The following IPCEF1 variants were observed in gnomAD, a reference collection of about 807,000 sequenced individuals.
IPCEF1 encodes the protein interactor protein for cytohesin exchange factors 1.
A neutral mutation model predicts 50.9 loss-of-function variants in IPCEF1; 31 were observed. The observed-to-expected ratio is 0.61, with a 90% CI of 0.46 to 0.82. The LOEUF (loss-of-function observed/expected upper bound fraction) is 0.82. Among genes scored for constraint, IPCEF1 ranks in the 40% least tolerant of loss-of-function variants. IPCEF1 has a pLI of 0.00. For missense variants in IPCEF1, 458 were observed against 514.0 expected (o/e 0.89, Z 1.05); for synonymous variants, 181 against 192.0 (o/e 0.94, Z 0.47).
At chr6:154,210,212 G>C (rs558035351) in intron 9 of IPCEF1, among the ~76,000 whole-genome samples, 18 of 152,190 alleles carry the variant, frequency 1.2e-4, no homozygotes, top group African/African-American at 3.9e-4. Flanking sequence ...GTGTGTTCTA[G>C]ATGCCTGACA....
intron 1 of IPCEF1, among the ~76,000 whole-genome samples, chr6:154,336,284 A>G (rs1489890219): frequency 6.6e-6 from 1 of 152,238 alleles, no homozygotes; most frequent in Admixed American, 6.5e-5. Flanking sequence ...CCATCAATGG[A>G]CAAATAGATG....
chr6:154,223,910 A>G (rs1180639282), intron 5 of IPCEF1, among the ~76,000 whole-genome samples: 1 of 152,250 alleles, frequency 6.6e-6, no homozygotes, highest in Non-Finnish European at 1.5e-5. Flanking sequence ...TGCATAAGAA[A>G]ATTATATTTA....
intron 5 of IPCEF1, among the ~76,000 whole-genome samples, chr6:154,242,010 C>T (rs772723810): frequency 1.4e-4 from 22 of 152,174 alleles, no homozygotes; most frequent in Non-Finnish European, 2.8e-4. Context: ...AGACTTTGAG[C>T]AAGTTACTTA....
At chr6:154,271,373 A>G (rs1781898346) in intron 2 of IPCEF1, among the ~76,000 whole-genome samples, 1 of 152,100 alleles carries the variant, frequency 6.6e-6, no homozygotes, top group African/African-American at 2.4e-5. Flanking sequence ...AAAAAAAATC[A>G]TATAATAGGA....
chr6:154,337,794 C>A (rs1281659969), intron 1 of IPCEF1, among the ~76,000 whole-genome samples: 1 of 152,202 alleles, frequency 6.6e-6, no homozygotes, highest in Non-Finnish European at 1.5e-5. Flanking sequence ...TCTGAGCAGT[C>A]TAAGCTTTGT....
At chr6:154,226,697 G>A (rs942240046) in intron 5 of IPCEF1, among the ~76,000 whole-genome samples, 4 of 152,180 alleles carry the variant, frequency 2.6e-5, no homozygotes, top group African/African-American at 9.6e-5. Context: ...CACAGTCACA[G>A]CAAATGTTTA....
At chr6:154,295,054 C>A (rs1395715948) in intron 1 of IPCEF1, among the ~76,000 whole-genome samples, 1 of 151,998 alleles carries the variant, frequency 6.6e-6, no homozygotes, top group East Asian at 1.9e-4. Flanking sequence ...AAAAATTAGT[C>A]GGGTGTGGTG....
At chr6:154,209,119 C>A (rs1187015719) in intron 9 of IPCEF1, among the ~76,000 whole-genome samples, 1 of 152,032 alleles carries the variant, frequency 6.6e-6, no homozygotes, top group Non-Finnish European at 1.5e-5. Context: ...GACTCTATAG[C>A]AATTAGAATG....
intron 5 of IPCEF1, 37 bp from the exon 6 acceptor site, chr6:154,223,280 A>C (rs1365258773): frequency 1.4e-6 from 2 of 1,473,312 alleles, no homozygotes; most frequent in Non-Finnish European, 1.9e-6. Context: ...GAATGAATGC[A>C]TCAATCCTGG....
At chr6:154,325,991 C>A (rs2015826) in intron 1 of IPCEF1, among the ~76,000 whole-genome samples, 6 of 151,854 alleles carry the variant, frequency 4.0e-5, no homozygotes, top group African/African-American at 1.5e-4. Context: ...TTTGGGAGGC[C>A]GAGGCAGGTG....
intron 1 of IPCEF1, among the ~76,000 whole-genome samples, chr6:154,348,001 C>T (rs976973018): frequency 6.6e-6 from 1 of 152,148 alleles, no homozygotes; most frequent in African/African-American, 2.4e-5. Flanking sequence ...AAAGCAAAGT[C>T]ACTTCAAGGC....
At chr6:154,209,309 G>A (rs981614839) in intron 9 of IPCEF1, among the ~76,000 whole-genome samples, 17 of 152,010 alleles carry the variant, frequency 1.1e-4, no homozygotes, top group Non-Finnish European at 2.1e-4. Flanking sequence ...CTAAGTCATC[G>A]CTAGCCTATA....
At chr6:154,182,098 G>C (rs1025391843) in intron 10 of IPCEF1, among the ~76,000 whole-genome samples, 3 of 152,144 alleles carry the variant, frequency 2.0e-5, no homozygotes, top group Non-Finnish European at 2.9e-5. Flanking sequence ...GAAATTCCAT[G>C]AGAAACTGAA....
At chr6:154,317,418 AG>A (rs978821806) in intron 1 of IPCEF1, among the ~76,000 whole-genome samples, 61 of 149,070 alleles carry the variant, frequency 4.1e-4, no homozygotes, top group African/African-American at 1.3e-3. Context: ...GCATGGTGGC[AG>A]GCTCCTGTAA....
chr6:154,290,753 A>G (rs1782492294), intron 1 of IPCEF1, among the ~76,000 whole-genome samples: 1 of 152,212 alleles, frequency 6.6e-6, no homozygotes. Flanking sequence ...TCTAAAGAGG[A>G]CAGTAAAAAT....
intron 9 of IPCEF1, among the ~76,000 whole-genome samples, chr6:154,209,697 T>C (rs1206613038): frequency 6.6e-6 from 1 of 150,954 alleles, no homozygotes; most frequent in African/African-American, 2.4e-5. Flanking sequence ...TCTGTTTAAA[T>C]AAAAAGCCTA....
intron 2 of IPCEF1, among the ~76,000 whole-genome samples, chr6:154,273,907 C>T (rs189586651): frequency 0.018 from 2,726 of 151,286 alleles, 36 homozygotes; most frequent in Middle Eastern, 0.075. Flanking sequence ...GCGCCCGCCA[C>T]CACACCCGGC....
At chr6:154,231,838 A>G (rs1039860971) in intron 5 of IPCEF1, among the ~76,000 whole-genome samples, 1 of 152,246 alleles carries the variant, frequency 6.6e-6, no homozygotes, top group African/African-American at 2.4e-5. Flanking sequence ...TTTTAAATCA[A>G]AAACAAACAC....
At chr6:154,354,914 C>G (rs1005780481) in intron 1 of IPCEF1, among the ~76,000 whole-genome samples, 2 of 152,042 alleles carry the variant, frequency 1.3e-5, no homozygotes, top group African/African-American at 4.8e-5. Context: ...AGGCACTGTT[C>G]TGAGCACTTG....
Sources: allele counts gnomAD v4.1 joint callset (sites outside exome capture counted in the v4.1 genomes callset), GRCh38; gene constraint gnomAD v4.1.1; transcripts MANE v1.5; gene names NCBI Gene and HGNC (gene_info 2026-07-23, HGNC 2026-07-21).